Variants in CAMK2B observed in about 807,000 individuals in gnomAD.
CAMK2B encodes calcium/calmodulin-dependent protein kinase type II subunit beta.
A neutral mutation model predicts 93.7 loss-of-function variants in CAMK2B; 27 were observed. The ratio of observed to expected loss-of-function variants is 0.29; its 90% CI spans 0.21 to 0.40. CAMK2B has a LOEUF of 0.40. Among genes scored for constraint, CAMK2B ranks in the 10% least tolerant of loss-of-function variants. The pLI is 1.00. For synonymous variants in CAMK2B, 374 were observed against 358.8 expected, an observed-to-expected ratio of 1.04 and a Z score of -0.48; for missense variants, 568 against 895.8, an observed-to-expected ratio of 0.63 and a Z score of 4.67.
chr7:44,324,989 GGCCCGGGGGCCACCCCCGCGC>G (rs1797121544), intron 1 of CAMK2B: 1 of 151,808 alleles, frequency 6.6e-6, no homozygotes, highest in African/African-American at 2.4e-5. Flanking sequence ...CGGCGCTCCA[GGCCCGGGGGCCACCCCCGCGC>G]GCCCCTCCTC....
In CAMK2B at chr7:44,225,665, C is replaced by T; in HGVS notation, c.1597+851G>A. 1 of 1,158,676 alleles carries T rather than the reference C, an allele frequency of 8.6e-7. No homozygotes were observed. Among genetic ancestry groups the T allele is most frequent in the Non-Finnish European group, 1.1e-6 (1 of 871,630 alleles). The allele number at this position is 1,158,676 out of a possible 1,614,324, so 71.8% of individuals were successfully genotyped here. A position where few individuals can be genotyped will look rare whatever the true frequency, so the allele number is the denominator to read the frequency against. ...CCGCTGCTCCTGTGGGTTCACTCTC[C>T]CCACACCCTTCTGCCCTGGCCGCCT... On this transcript the variant is annotated intron_variant, in intron 20 of 23. Coordinates refer to ENST00000395749, the MANE Select transcript of CAMK2B (RefSeq NM_001220.5). This position sits in a 1 kb window ranked among gnomAD's most constrained non-coding sequence, Gnocchi z 5.0.
At chr7:44,318,403 T>G (rs1356048368) in intron 1 of CAMK2B, among the ~76,000 whole-genome samples, 1 of 152,214 alleles carries the variant, frequency 6.6e-6, no homozygotes, top group Non-Finnish European at 1.5e-5. Context: ...GTGCCACTGC[T>G]CTGGGAAGCA....
At chr7:44,249,082 G>A (rs1056639601) in intron 5 of CAMK2B, among the ~76,000 whole-genome samples, 5 of 152,168 alleles carry the variant, frequency 3.3e-5, no homozygotes, top group African/African-American at 1.2e-4. Context: ...CCTGTAGAGG[G>A]CTGTGTCCCT....
intron 1 of CAMK2B, among the ~76,000 whole-genome samples, chr7:44,309,935 G>C (rs1793063178): frequency 6.6e-6 from 1 of 152,246 alleles, no homozygotes; most frequent in South Asian, 2.1e-4. Flanking sequence ...CGCCTGAGCA[G>C]CCAGAACCAG....
chr7:44,290,493 C>T (rs567845884), intron 1 of CAMK2B, among the ~76,000 whole-genome samples: 4 of 152,374 alleles, frequency 2.6e-5, no homozygotes, highest in African/African-American at 9.6e-5. Context: ...CACCTACGTC[C>T]TTTCTTGCCT....
At chr7:44,238,565 G>A (rs998676234) in intron 13 of CAMK2B, among the ~76,000 whole-genome samples, 1 of 152,156 alleles carries the variant, frequency 6.6e-6, no homozygotes, top group Non-Finnish European at 1.5e-5. Flanking sequence ...TGCCCTCCCC[G>A]AGGACGCCCT....
At chr7:44,223,734 T>C (rs1158803114) in intron 20 of CAMK2B, among the ~76,000 whole-genome samples, 1 of 152,140 alleles carries the variant, frequency 6.6e-6, no homozygotes, top group Non-Finnish European at 1.5e-5. Flanking sequence ...CTTCCACCTG[T>C]AGCCAGTCCT....
At chr7:44,259,220 G>C (rs573573726) in intron 3 of CAMK2B, among the ~76,000 whole-genome samples, 9 of 152,198 alleles carry the variant, frequency 5.9e-5, no homozygotes, top group Admixed American at 2.0e-4. Context: ...GTCTCCTTCT[G>C]CCAGAGAGAG....
chr7:44,257,299 A>G (rs1345197186), intron 4 of CAMK2B, among the ~76,000 whole-genome samples: 1 of 152,224 alleles, frequency 6.6e-6, no homozygotes, highest in African/African-American at 2.4e-5. Flanking sequence ...TGGGGAAGAC[A>G]TGGAGGGTCC....
intron 2 of CAMK2B, among the ~76,000 whole-genome samples, chr7:44,278,557 C>T (rs1378915002): frequency 6.6e-6 from 1 of 152,162 alleles, no homozygotes; most frequent in Non-Finnish European, 1.5e-5. Flanking sequence ...ACCTCAGGTC[C>T]CCGCATGGGG....
intron 2 of CAMK2B, among the ~76,000 whole-genome samples, chr7:44,275,701 C>A (rs1331745178): frequency 6.6e-6 from 1 of 152,204 alleles, no homozygotes; most frequent in Non-Finnish European, 1.5e-5. Context: ...TCATACTTAA[C>A]TGCTAAATCC....
intron 2 of CAMK2B, among the ~76,000 whole-genome samples, chr7:44,279,904 T>C (rs1285893380): frequency 6.6e-6 from 1 of 152,182 alleles, no homozygotes; most frequent in Admixed American, 6.5e-5. Context: ...ACACAACTTT[T>C]GGAGTGAACG....
intron 4 of CAMK2B, among the ~76,000 whole-genome samples, chr7:44,258,437 G>A (rs886289485): frequency 2.0e-5 from 3 of 152,224 alleles, no homozygotes; most frequent in African/African-American, 7.2e-5. Flanking sequence ...ACATACAGGT[G>A]CACGTGCTCA....
chr7:44,237,695 G>A (rs1324633354), intron 13 of CAMK2B, among the ~76,000 whole-genome samples: 1 of 152,164 alleles, frequency 6.6e-6, no homozygotes, highest in African/African-American at 2.4e-5. Context: ...TCAAGGGCAC[G>A]GGAACTTCCT....
intron 13 of CAMK2B, among the ~76,000 whole-genome samples, chr7:44,238,570 C>T (rs1029774434): frequency 3.9e-5 from 6 of 152,292 alleles, no homozygotes; most frequent in African/African-American, 7.2e-5. Flanking sequence ...TCCCCGAGGA[C>T]GCCCTGGGCC....
At chr7:44,235,888 T>C (rs1277130272) in intron 13 of CAMK2B, among the ~76,000 whole-genome samples, 1 of 152,218 alleles carries the variant, frequency 6.6e-6, no homozygotes, top group Non-Finnish European at 1.5e-5. Flanking sequence ...TCCTCCTGCC[T>C]GGGGATCCCG....
At chr7:44,239,736 G>T in intron 12 of CAMK2B, 73 bp from the exon 13 acceptor site, 2 of 1,066,716 alleles carry the variant, frequency 1.9e-6, no homozygotes, top group South Asian at 1.4e-5. Flanking sequence ...GCGAGGTAAG[G>T]GAAGAAAAGA....
intron 2 of CAMK2B, among the ~76,000 whole-genome samples, chr7:44,263,650 G>A (rs938568407): frequency 1.3e-5 from 2 of 152,148 alleles, no homozygotes; most frequent in African/African-American, 2.4e-5. Context: ...GAGGCGTGGA[G>A]GTGACTGGTG....
rs946457325 is a variant in CAMK2B at position 44,248,470 on chromosome 7, G to A, written c.342-1278C>T. Among the ~76,000 whole-genome samples the A allele has an allele frequency of 2.0e-5, 3 of 152,172 alleles. No homozygotes were observed. The highest frequency in any genetic ancestry group is 2.0e-4 in the Admixed American group (3 of 15,280). ...CAGGGTGATAGCAGCCACCACCTCC[G>A]AGGCTGCCCTGCTGGGCCTGGAGGC... On this transcript the variant is annotated intron_variant, in intron 5 of 23. Coordinates refer to ENST00000395749, the MANE Select transcript of CAMK2B (RefSeq NM_001220.5). The surrounding 1 kb of genome is among the most constrained non-coding windows in gnomAD (Gnocchi z 4.1).
Sources: allele counts gnomAD v4.1 joint callset (sites outside exome capture counted in the v4.1 genomes callset), GRCh38; gene constraint gnomAD v4.1.1; non-coding constraint Gnocchi (gnomAD v3.1); transcripts MANE v1.5; gene names NCBI Gene and HGNC (gene_info 2026-07-23, HGNC 2026-07-21).